The following PDGFRL variants were observed in gnomAD, a reference collection of about 807,000 sequenced individuals.
PDGFRL encodes platelet-derived growth factor receptor-like protein.
PDGFRL carries 46 observed loss-of-function variants against 37.2 expected under a neutral mutation model. That is an observed-to-expected ratio of 1.24 (90% confidence interval 0.98 to 1.58). The LOEUF (loss-of-function observed/expected upper bound fraction) is 1.58. Ranked by LOEUF, PDGFRL falls within the 40% of genes most tolerant of loss-of-function variation. The pLI, the probability that PDGFRL is intolerant of heterozygous loss-of-function variation, is 0.00. For synonymous variants in PDGFRL, 251 were observed against 184.3 expected, an observed-to-expected ratio of 1.36 and a Z score of -2.93; for missense variants, 692 against 467.6, an observed-to-expected ratio of 1.48 and a Z score of -4.43.
chr8:17,582,376 G>T (rs531019691), intron 1 of PDGFRL, among the ~76,000 whole-genome samples: 344 of 152,196 alleles, frequency 2.3e-3, no homozygotes, highest in Non-Finnish European at 2.8e-3. Flanking sequence ...GAGGTCAGGA[G>T]ATCGAGACCA....
At chr8:17,596,330 G>C (rs528672435) in intron 2 of PDGFRL, 7 of 1,236,090 alleles carry the variant, frequency 5.7e-6, no homozygotes, top group Non-Finnish European at 7.1e-6. Flanking sequence ...TGGGCTGCAC[G>C]TAACTCCGTG....
chr8:17,633,126 T>C (rs745430509), intron 4 of PDGFRL, among the ~76,000 whole-genome samples: 4 of 152,266 alleles, frequency 2.6e-5, no homozygotes, highest in East Asian at 1.9e-4. Context: ...TGCTAGCACA[T>C]AGCATTTCTC....
intron 2 of PDGFRL, among the ~76,000 whole-genome samples, chr8:17,613,500 T>A (rs1019397932): frequency 1.8e-4 from 27 of 151,234 alleles, no homozygotes; most frequent in African/African-American, 6.3e-4. Context: ...GGGGTGAGAG[T>A]GATGCCGGCA....
At chr8:17,619,128 G>C (rs1305219855) in intron 2 of PDGFRL, among the ~76,000 whole-genome samples, 1 of 152,196 alleles carries the variant, frequency 6.6e-6, no homozygotes, top group Non-Finnish European at 1.5e-5. Flanking sequence ...TCTGCTGCAA[G>C]ATAAACTGCA....
rs115442553 is a variant in PDGFRL at position 17,583,246 on chromosome 8, G to A, written c.55+5939G>A. ...CCCTACCAGGGCACTGCCTAGGGGA[G>A]CCATGGGAACAGGGCTCATGTGGGG... On this transcript the variant is annotated intron_variant, in intron 1 of 5. Transcript: ENST00000251630. Among the ~76,000 whole-genome samples, 410 of 152,228 alleles carry A rather than the reference G, an allele frequency of 2.7e-3. 6 individuals carry two copies. Among genetic ancestry groups the A allele is most frequent in the African/African-American group, 8.8e-3 (365 of 41,508 alleles).
chr8:17,595,570 C>G (rs558933440), intron 2 of PDGFRL, among the ~76,000 whole-genome samples: 87 of 152,288 alleles, frequency 5.7e-4, no homozygotes, highest in African/African-American at 2.0e-3. Context: ...CCTAAACAAA[C>G]AAGAGCCAGG....
At chr8:17,631,457 G>A (rs913908561) in intron 4 of PDGFRL, among the ~76,000 whole-genome samples, 3 of 152,090 alleles carry the variant, frequency 2.0e-5, no homozygotes, top group Non-Finnish European at 4.4e-5. Context: ...CAGCCATGGT[G>A]CTTATTCAGC....
At chr8:17,611,612 G>T (rs900451568) in intron 2 of PDGFRL, among the ~76,000 whole-genome samples, 1 of 152,186 alleles carries the variant, frequency 6.6e-6, no homozygotes, top group Non-Finnish European at 1.5e-5. Context: ...TCTGGGTTTG[G>T]TGAGGAGCTA....
Position 17,598,391 on chromosome 8 carries a change from G to A in PDGFRL, c.353+8626G>A, listed in dbSNP as rs1423706243. ...TCCTGAAAGAATAAACCCCTTGAGG[G>A]CAAATAACACATCTGTGGTTTATCA... On this transcript the variant is annotated intron_variant, in intron 2 of 5. Transcript: ENST00000251630. Among the ~76,000 whole-genome samples, 5 of 152,192 alleles carry A rather than the reference G, an allele frequency of 3.3e-5. No homozygotes were observed. In the East Asian group the frequency reaches 9.6e-4, roughly 29 times the overall value.
intron 2 of PDGFRL, among the ~76,000 whole-genome samples, chr8:17,607,837 G>C (rs752702771): frequency 6.6e-6 from 1 of 152,238 alleles, no homozygotes; most frequent in African/African-American, 2.4e-5. Flanking sequence ...AGGAATAAAG[G>C]ATAAGATGTA....
intron 4 of PDGFRL, among the ~76,000 whole-genome samples, chr8:17,631,324 C>T (rs1034118087): frequency 2.0e-5 from 3 of 152,078 alleles, no homozygotes; most frequent in Admixed American, 6.5e-5. Context: ...GAGAGTGGTA[C>T]GTGTGGGCAG....
At chr8:17,642,519 C>T (rs1805154879) in intron 5 of PDGFRL, 94 bp from the exon 6 acceptor site, 2 of 750,962 alleles carry the variant, frequency 2.7e-6, no homozygotes. Flanking sequence ...GTGCTTTGCT[C>T]TCTGAAAGGA....
intron 3 of PDGFRL, among the ~76,000 whole-genome samples, chr8:17,627,938 C>G (rs1258309682): frequency 1.3e-5 from 2 of 150,986 alleles, no homozygotes; most frequent in African/African-American, 4.9e-5. Context: ...TGGTGGTGAT[C>G]CATGGGCGTC....
At position 17,591,298 on chromosome 8, in the gene PDGFRL, T is replaced by C. The variant is rs79041988; in HGVS notation, c.353+1533T>C. Among the ~76,000 whole-genome samples the C allele has an allele frequency of 2.6e-3, 392 of 152,272 alleles. 2 individuals carry two copies. Among genetic ancestry groups the C allele is most frequent in the African/African-American group, 9.0e-3 (372 of 41,558 alleles). ...GAGTACCTTCAGGAGGCTAGGCTTC[T>C]AGACCAGGAAGAGTGGTTACCATGG... On this transcript the variant is annotated intron_variant, in intron 2 of 5. Transcript: ENST00000251630.
rs141210622 is a variant in PDGFRL, at chr8:17,628,578, C to T, written c.597C>T (p.Thr199=). The change falls in exon 4 of 6, where the codon ACC becomes ACT. Residue 199 remains threonine, a synonymous_variant. Coordinates refer to ENST00000251630, the MANE Select transcript of PDGFRL (RefSeq NM_001372073.1). ...DRQAVVPCRV[T]VLSAKVTLHR... is the part of the protein sequence containing the mutation. Reference sequence around the variant, plus strand: ...AGGCTGTGGTTCCTTGTCGGGTGACCGTGCTGTCGGCCAAAGTCACGCTCC... The same window carrying T: ...AGGCTGTGGTTCCTTGTCGGGTGACTGTGCTGTCGGCCAAAGTCACGCTCC... The T allele has an allele frequency of 1.3e-4, 209 of 1,613,908 alleles. No individual in the cohort carries two copies. Among genetic ancestry groups the T allele is most frequent in the East Asian group, 2.0e-4 (9 of 44,880 alleles).
intron 1 of PDGFRL, among the ~76,000 whole-genome samples, chr8:17,581,462 G>A (rs1440486297): frequency 6.6e-6 from 1 of 152,110 alleles, no homozygotes; most frequent in Non-Finnish European, 1.5e-5. Flanking sequence ...TGTTTTCAAA[G>A]GTAGGTGCTA....
At chr8:17,577,651 G>A (rs1031389340) in intron 1 of PDGFRL, among the ~76,000 whole-genome samples, 15 of 151,892 alleles carry the variant, frequency 9.9e-5, no homozygotes, top group African/African-American at 3.6e-4. Context: ...GGTGGGGCGG[G>A]AGCCTCGGAT....
chr8:17,584,355 A>G (rs2705094), intron 1 of PDGFRL, among the ~76,000 whole-genome samples: 144,861 of 152,182 alleles, frequency 0.95, 69,369 homozygotes, highest in East Asian at 1. Context: ...TCAAGTGGCG[A>G]TGCTGAATAA....
upstream of PDGFRL, chr8:17,576,740 C>G: frequency 1.0e-6 from 1 of 972,132 alleles, no homozygotes; most frequent in Non-Finnish European, 1.2e-6. Flanking sequence ...GCAGCAAGAA[C>G]CCGGGGCAAC....
Sources: gnomAD v4.1 joint callset for allele counts (sites outside exome capture counted in the v4.1 genomes callset) on GRCh38, gnomAD v4.1.1 for gene constraint, MANE v1.5 for transcripts, NCBI Gene and HGNC (gene_info 2026-07-23, HGNC 2026-07-21) for gene names.